Variants in ECM2 observed in about 807,000 individuals in gnomAD.
ECM2 encodes extracellular matrix protein 2.
A neutral mutation model predicts 67.5 loss-of-function variants in ECM2; 57 were observed. The ratio of observed to expected loss-of-function variants is 0.84; its 90% CI spans 0.68 to 1.05. ECM2 has a LOEUF of 1.05. Ranked by LOEUF, ECM2 falls within the 50% of genes least tolerant of loss-of-function variation. ECM2 has a pLI of 0.00. For missense variants in ECM2, 741 were observed against 822.8 expected, an observed-to-expected ratio of 0.90 and a Z score of 1.22; for synonymous variants, 258 against 294.5, an observed-to-expected ratio of 0.88 and a Z score of 1.27.
At chr9:92,508,946 A>G (rs1226449607) in intron 6 of ECM2, among the ~76,000 whole-genome samples, 1 of 152,092 alleles carries the variant, frequency 6.6e-6, no homozygotes, top group Admixed American at 6.6e-5. Context: ...TTAGGAAGAT[A>G]AAAAGAAAAG....
chr9:92,514,754 T>C lies in ECM2; in HGVS notation c.931A>G (p.Arg311Gly), dbSNP rs1294765075. ...CCGCTTGGCAGGCGCAGTGTGCCTC[T>C]GGGAGGAGCAGGAAGCGGGGATCGA... ...PSRSPLPAPP[R>G]GTLRLPSGCS... Residue 311 changes from arginine to glycine, a missense_variant, in exon 4 of 10, where the codon AGA becomes GGA. By Grantham distance (125) the Arg-to-Gly change is moderately radical (BLOSUM62 -2). Coordinates refer to ENST00000344604, the MANE Select transcript of ECM2 (RefSeq NM_001393.4). 1.9e-6 allele frequency: 3 copies of C among 1,614,136 alleles called. No individual in the cohort carries two copies. Among genetic ancestry groups the C allele is most frequent in the Non-Finnish European group, 2.5e-6 (3 of 1,180,028 alleles).
intron 3 of ECM2, among the ~76,000 whole-genome samples, chr9:92,515,574 T>C (rs935562827): frequency 2.6e-5 from 4 of 152,254 alleles, no homozygotes; most frequent in Non-Finnish European, 4.4e-5. Flanking sequence ...GATACCTTTA[T>C]AATAGATACT....
the ECM2 span, among the ~76,000 whole-genome samples, chr9:92,553,505 C>A: frequency 6.6e-6 from 1 of 152,114 alleles, no homozygotes; most frequent in African/African-American, 2.4e-5. Flanking sequence ...GCAGTATGAT[C>A]ATTTCCACAA....
chr9:92,536,168 G>A (rs1849153094), upstream of ECM2: 1 of 373,746 alleles, frequency 2.7e-6, no homozygotes, highest in Non-Finnish European at 5.0e-6. Flanking sequence ...GTTACCAAGG[G>A]AAATATTTTT....
At chr9:92,527,817 A>G (rs1433194190) in intron 1 of ECM2, among the ~76,000 whole-genome samples, 1 of 152,130 alleles carries the variant, frequency 6.6e-6, no homozygotes, top group African/African-American at 2.4e-5. Flanking sequence ...GCCTAAGTAC[A>G]GATGTCACTA....
rs1846323778 is a variant in ECM2 at position 92,495,962 on chromosome 9, G to C, written c.*353C>G. 1.0e-6 allele frequency: 1 copy of C among 988,078 alleles called. No homozygotes were observed. The highest frequency in any genetic ancestry group is 1.1e-4 in the East Asian group (1 of 8,932). The allele number at this position is 988,078 out of a possible 1,614,324, so 61.2% of individuals were successfully genotyped here. On this transcript the variant is annotated 3_prime_UTR_variant, in exon 10 of 10. Coordinates refer to ENST00000344604, the MANE Select transcript of ECM2 (RefSeq NM_001393.4). The stretch of plus-strand genomic sequence containing the variant: ...ACCAAAAGATACATAATTTTTAAAG[G>C]GACTTACAGAGTTCTCAGCTAACAC...
chr9:92,507,766 C>T lies in ECM2; in HGVS notation c.1307-2076G>A, dbSNP rs538442423. On this transcript the variant is annotated intron_variant, in intron 6 of 9. Coordinates refer to ENST00000344604, the MANE Select transcript of ECM2 (RefSeq NM_001393.4). Reference sequence around the variant, plus strand: ...TGCCTGGTTTTCCTCAGCTGTCCCTCCCTCCACCTTTCACACCTCTCTCTC... The same window carrying T: ...TGCCTGGTTTTCCTCAGCTGTCCCTTCCTCCACCTTTCACACCTCTCTCTC... Among the ~76,000 whole-genome samples, 3 of 152,310 alleles carry T rather than the reference C, an allele frequency of 2.0e-5. No individual in the cohort carries two copies. The South Asian group carries it at 6.2e-4, about 32-fold the overall frequency.
chr9:92,520,321 T>A (rs1171915913), intron 2 of ECM2, among the ~76,000 whole-genome samples: 3 of 152,028 alleles, frequency 2.0e-5, no homozygotes, highest in African/African-American at 4.8e-5. Context: ...GTTGAATAGA[T>A]ATTTCTCCAA....
the ECM2 span, among the ~76,000 whole-genome samples, chr9:92,554,266 C>T: frequency 1.3e-5 from 2 of 152,172 alleles, no homozygotes; most frequent in Non-Finnish European, 2.9e-5. Flanking sequence ...TCACTGCAAC[C>T]TCTGCCTCCC....
At chr9:92,512,910 GA>G (rs1847444628) in intron 4 of ECM2, among the ~76,000 whole-genome samples, 1 of 152,208 alleles carries the variant, frequency 6.6e-6, no homozygotes, top group Non-Finnish European at 1.5e-5. Flanking sequence ...GCCACAGGAG[GA>G]AGGGACTTTC....
chr9:92,547,109 G>C, the ECM2 span, among the ~76,000 whole-genome samples: 1 of 152,142 alleles, frequency 6.6e-6, no homozygotes, highest in Non-Finnish European at 1.5e-5. Flanking sequence ...AGAACTAGCG[G>C]CGTAAGTGTA....
chr9:92,532,923 G>A (rs946015943), intron 1 of ECM2, among the ~76,000 whole-genome samples: 11 of 152,042 alleles, frequency 7.2e-5, no homozygotes, highest in African/African-American at 1.7e-4. Flanking sequence ...GAGAATTTGC[G>A]TCTGTTTCAG....
chr9:92,545,084 G>A, the ECM2 span, among the ~76,000 whole-genome samples: 1 of 152,150 alleles, frequency 6.6e-6, no homozygotes, highest in Non-Finnish European at 1.5e-5. Context: ...CAGCCTGCTG[G>A]CAGCCCTCGC....
At chr9:92,536,367 A>T (rs528399934), upstream of ECM2, among the ~76,000 whole-genome samples, 1 of 152,306 alleles carries the variant, frequency 6.6e-6, no homozygotes, top group East Asian at 1.9e-4. Context: ...GCTTTATCAG[A>T]TTATAGGGAT....
chr9:92,523,904 T>C (rs538647574), intron 1 of ECM2, among the ~76,000 whole-genome samples: 1 of 152,316 alleles, frequency 6.6e-6, no homozygotes, highest in South Asian at 2.1e-4. Context: ...CAACTTATTG[T>C]CCCATATTTT....
chr9:92,552,459 C>T, the ECM2 span, among the ~76,000 whole-genome samples: 1 of 152,134 alleles, frequency 6.6e-6, no homozygotes, highest in African/African-American at 2.4e-5. Context: ...TCATTCCCAC[C>T]AGCAGTGTAG....
intron 6 of ECM2, among the ~76,000 whole-genome samples, chr9:92,509,425 A>G (rs565226366): frequency 1.4e-4 from 22 of 152,306 alleles, no homozygotes; most frequent in Admixed American, 1.4e-3. Context: ...CCAACACATG[A>G]TAAATGAAAA....
At chr9:92,546,344 T>C in the ECM2 span, among the ~76,000 whole-genome samples, 1 of 152,178 alleles carries the variant, frequency 6.6e-6, no homozygotes, top group Non-Finnish European at 1.5e-5. Flanking sequence ...CCCCTTCCAC[T>C]GTGTGGAAGC....
At chr9:92,517,124 C>T (rs1198430063) in intron 3 of ECM2, 1 of 156,178 alleles carries the variant, frequency 6.4e-6, no homozygotes, top group African/African-American at 2.4e-5. Flanking sequence ...ATCTCCTGCA[C>T]ACAGAAGTGC....
Sources: gnomAD v4.1 joint callset for allele counts (sites outside exome capture counted in the v4.1 genomes callset) on GRCh38, gnomAD v4.1.1 for gene constraint, MANE v1.5 for transcripts, NCBI Gene and HGNC (gene_info 2026-07-23, HGNC 2026-07-21) for gene names.